The following ATP11A variants were observed in gnomAD, a reference collection of about 807,000 sequenced individuals.
ATP11A encodes ATPase phospholipid transporting 11A.
Under a neutral mutation model 154.4 loss-of-function variants are expected in ATP11A, and 81 were observed. The ratio of observed to expected loss-of-function variants is 0.52; its 90% CI spans 0.44 to 0.63. The LOEUF (loss-of-function observed/expected upper bound fraction) is 0.63, where lower values mean the gene tolerates loss of function less well. Ranked by LOEUF, ATP11A falls within the 30% of genes least tolerant of loss-of-function variation. The pLI, the probability that ATP11A is intolerant of heterozygous loss-of-function variation, is 0.00. For synonymous variants in ATP11A, 623 were observed against 585.9 expected, an observed-to-expected ratio of 1.06 and a Z score of -0.91; for missense variants, 1,316 against 1,474.3, an observed-to-expected ratio of 0.89 and a Z score of 1.76.
chr13:112,774,294 G>A (rs2077294620), intron 1 of ATP11A, among the ~76,000 whole-genome samples: 1 of 152,176 alleles, frequency 6.6e-6, no homozygotes, highest in South Asian at 2.1e-4. Context: ...TTCTAAACTG[G>A]AAGCCAGGTG....
intron 25 of ATP11A, 35 bp downstream of exon 25, chr13:112,862,610 C>CTTAG: frequency 6.2e-7 from 1 of 1,613,460 alleles, no homozygotes; most frequent in East Asian, 2.2e-5. Context: ...GACTTAGCTG[C>CTTAG]TTAGGAATAA....
chr13:112,775,315 C>G (rs926404463), intron 1 of ATP11A, among the ~76,000 whole-genome samples: 1 of 152,246 alleles, frequency 6.6e-6, no homozygotes, highest in African/African-American at 2.4e-5. Context: ...TTATCCGACT[C>G]TGCCTTAGCC....
At chr13:112,793,864 C>T (rs1446728749) in intron 2 of ATP11A, among the ~76,000 whole-genome samples, 1 of 152,250 alleles carries the variant, frequency 6.6e-6, no homozygotes, top group Non-Finnish European at 1.5e-5. Flanking sequence ...ATGCTCTTCC[C>T]TGTCTGCACA....
intron 1 of ATP11A, among the ~76,000 whole-genome samples, chr13:112,749,520 G>A (rs989368303): frequency 6.6e-6 from 1 of 152,194 alleles, no homozygotes; most frequent in African/African-American, 2.4e-5. Context: ...AAGCAAAGGA[G>A]ATTTACAGAA....
intron 1 of ATP11A, among the ~76,000 whole-genome samples, chr13:112,693,478 C>T (rs924895188): frequency 7.4e-5 from 11 of 147,746 alleles, no homozygotes; most frequent in Non-Finnish European, 1.3e-4. Flanking sequence ...GGAGAGGGGA[C>T]GGGGTGGAGA....
chr13:112,707,854 G>A (rs889474048), intron 1 of ATP11A, among the ~76,000 whole-genome samples: 11 of 152,152 alleles, frequency 7.2e-5, no homozygotes, highest in African/African-American at 2.4e-4. Flanking sequence ...ACCAAAAAAA[G>A]GTCCTGGTCA....
intron 9 of ATP11A, among the ~76,000 whole-genome samples, chr13:112,824,139 C>G (rs893656959): frequency 6.6e-6 from 1 of 152,026 alleles, no homozygotes; most frequent in Admixed American, 6.5e-5. Context: ...AAAAATGAAG[C>G]ATAGATTGCT....
At chr13:112,879,809 G>A (rs1186407064) in intron 29 of ATP11A, among the ~76,000 whole-genome samples, 1 of 152,260 alleles carries the variant, frequency 6.6e-6, no homozygotes, top group Admixed American at 6.5e-5. Context: ...TACTTCCAGT[G>A]GATGGCTTTC....
At chr13:112,698,226 G>A (rs1330732681) in intron 1 of ATP11A, among the ~76,000 whole-genome samples, 2 of 152,144 alleles carry the variant, frequency 1.3e-5, no homozygotes, top group African/African-American at 4.8e-5. Context: ...TTCTGCTGGA[G>A]CGATGGCCAC....
At chr13:112,759,730 AC>A (rs2076922166) in intron 1 of ATP11A, among the ~76,000 whole-genome samples, 2 of 152,346 alleles carry the variant, frequency 1.3e-5, no homozygotes, top group African/African-American at 4.8e-5. Context: ...TTTTAATAGA[AC>A]AATTTTATTT....
intron 6 of ATP11A, among the ~76,000 whole-genome samples, chr13:112,817,513 G>A (rs1033132300): frequency 7.2e-5 from 11 of 152,174 alleles, no homozygotes; most frequent in South Asian, 2.1e-4. Context: ...CGCTGTAAGC[G>A]GGTGTTGGTC....
In ATP11A at chr13:112,851,218, G is replaced by A. The variant is rs774754062; in HGVS notation, c.1991G>A (p.Arg664Gln). 5 of 1,611,352 alleles carry A rather than the reference G, an allele frequency of 3.1e-6. No individual in the cohort carries two copies. Among genetic ancestry groups the A allele is most frequent in the South Asian group, 1.1e-5 (1 of 91,000 alleles). Residue 664 changes from arginine to glutamine, a missense_variant and splice_region_variant, in exon 18 of 30, where the codon CGG becomes CAG. By Grantham distance (43) the Arg-to-Gln change is conservative. Around this residue, in one of 5 missense-constraint regions of ATP11A, gnomAD observed 876 missense variants for 1,006.8 expected, o/e 0.87. Transcript: ENST00000375645. ...TLLGATAVEDRLQEKAADTIE... is the reference protein window; with the variant it reads ...TLLGATAVEDQLQEKAADTIE... ...CTTGGTGCTACAGCTGTTGAGGACC[G>A]GTAAAGTAAACGCATGCATCCCGTC...
At chr13:112,767,806 G>A (rs902659515) in intron 1 of ATP11A, among the ~76,000 whole-genome samples, 2 of 152,140 alleles carry the variant, frequency 1.3e-5, no homozygotes. Context: ...GAGTGCGTCT[G>A]TGGTGGTGGG....
rs780922146 is a variant in ATP11A, at chr13:112,856,050, C to G, written c.2383C>G (p.Leu795Val). ...AATCTGCCGGAGCTGCAGCGCGGTG[C>G]TCTGCTGCCGCATGGCGCCCTTGCA... ...LEICRSCSAVLCCRMAPLQKA... is the reference protein window; with the variant it reads ...LEICRSCSAVVCCRMAPLQKA... Residue 795 changes from leucine to valine, a missense_variant, in exon 20 of 30, where the codon CTC (leucine) becomes GTC (valine). Leu to Val is a conservative substitution (Grantham distance 32). Around this residue, in one of 5 missense-constraint regions of ATP11A, gnomAD observed 876 missense variants for 1,006.8 expected, o/e 0.87. Transcript: ENST00000375645. 1 of 1,613,860 alleles carries G rather than the reference C, an allele frequency of 6.2e-7. No homozygotes were observed. The highest frequency in any genetic ancestry group is 8.5e-7 in the Non-Finnish European group (1 of 1,179,998).
chr13:112,829,288 A>T (rs2079028844), intron 12 of ATP11A, among the ~76,000 whole-genome samples: 1 of 152,210 alleles, frequency 6.6e-6, no homozygotes, highest in South Asian at 2.1e-4. Flanking sequence ...CAGAAAAGAA[A>T]ATTGCAGGCC....
chr13:112,758,854 G>A (rs2076903754), intron 1 of ATP11A, among the ~76,000 whole-genome samples: 1 of 152,172 alleles, frequency 6.6e-6, no homozygotes, highest in African/African-American at 2.4e-5. Context: ...TTACCGTGGG[G>A]TGTGTGCTCT....
chr13:112,766,500 G>A (rs1043031704), intron 1 of ATP11A, among the ~76,000 whole-genome samples: 9 of 152,148 alleles, frequency 5.9e-5, no homozygotes, highest in Non-Finnish European at 1.0e-4. Context: ...GCGTCCAGAA[G>A]GTGCGTCCCG....
chr13:112,871,943 G>A, intron 26 of ATP11A, 143 bp downstream of exon 26: 4 of 831,986 alleles, frequency 4.8e-6, no homozygotes, highest in Non-Finnish European at 7.8e-6. Context: ...GGCTCCTGGG[G>A]CACCCCTGGG....
chr13:112,877,065 G>A (rs1378901007), intron 28 of ATP11A, among the ~76,000 whole-genome samples: 1 of 152,224 alleles, frequency 6.6e-6, no homozygotes, highest in African/African-American at 2.4e-5. Flanking sequence ...AGCAAAACTC[G>A]TGGTGAAGAG....
Sources: gnomAD v4.1 joint callset for allele counts (sites outside exome capture counted in the v4.1 genomes callset) on GRCh38, gnomAD v4.1.1 for gene constraint, gnomAD v4.1.1 regional missense constraint, MANE v1.5 for transcripts, NCBI Gene and HGNC (gene_info 2026-07-23, HGNC 2026-07-21) for gene names.